The following EYS variants were observed in gnomAD, a reference collection of about 807,000 sequenced individuals.
EYS encodes EGF-like photoreceptor maintenance factor, also known as protein eyes shut homolog.
In EYS, 250 loss-of-function variants were observed where a neutral mutation model predicts 282.1. The ratio of observed to expected loss-of-function variants is 0.89; its 90% confidence interval spans 0.80 to 0.98. The LOEUF (loss-of-function observed/expected upper bound fraction) is 0.98. Ranked by LOEUF, EYS falls within the 50% of genes least tolerant of loss-of-function variation. The probability of loss-of-function intolerance (pLI) is 0.00; values close to 1 mark genes in which losing one functional copy is unlikely to be tolerated. For synonymous variants in EYS, 1,355 were observed against 1,282.9 expected (o/e 1.06, Z -1.20); for missense variants, 4,016 against 3,709.0 (o/e 1.08, Z -2.15).
At chr6:64,428,810 G>A (rs1256666780) in intron 28 of EYS, among the ~76,000 whole-genome samples, 2 of 152,058 alleles carry the variant, frequency 1.3e-5, no homozygotes, top group East Asian at 3.9e-4. Flanking sequence ...TATTTTTGCT[G>A]AAAGAATAAG....
intron 2 of EYS, among the ~76,000 whole-genome samples, chr6:65,553,612 CATT>C (rs1456433127): frequency 2.0e-5 from 3 of 152,018 alleles, no homozygotes; most frequent in Admixed American, 2.0e-4. Flanking sequence ...CCAGTTCCTT[CATT>C]AAGATTAACA....
At chr6:65,425,832 C>T (rs1310932608) in intron 5 of EYS, among the ~76,000 whole-genome samples, 2 of 152,052 alleles carry the variant, frequency 1.3e-5, no homozygotes, top group East Asian at 3.9e-4. Flanking sequence ...CACTTTATGG[C>T]TTTATGATGA....
chr6:64,794,419 A>G (rs557434547), intron 22 of EYS, among the ~76,000 whole-genome samples: 1 of 152,242 alleles, frequency 6.6e-6, no homozygotes, highest in African/African-American at 2.4e-5. Context: ...CTATCATGAT[A>G]GAGTTTTCAC....
chr6:64,681,963 A>T (rs1769914103), intron 22 of EYS, among the ~76,000 whole-genome samples: 1 of 152,120 alleles, frequency 6.6e-6, no homozygotes, highest in Non-Finnish European at 1.5e-5. Flanking sequence ...CTAGGGAGAG[A>T]AGCAAGAACA....
intron 24 of EYS, among the ~76,000 whole-genome samples, chr6:64,601,383 T>C (rs1410866647): frequency 6.6e-6 from 1 of 151,934 alleles, no homozygotes; most frequent in Non-Finnish European, 1.5e-5. Flanking sequence ...ATTCAGTCTC[T>C]CCATTCTAAC....
chr6:64,041,176 AC>A (rs1397190490), intron 33 of EYS, among the ~76,000 whole-genome samples: 3 of 152,048 alleles, frequency 2.0e-5, no homozygotes, highest in Non-Finnish European at 1.5e-5. Context: ...GCTGATTCTG[AC>A]AGAAAGGATC....
intron 12 of EYS, among the ~76,000 whole-genome samples, chr6:65,231,069 T>A (rs1287236118): frequency 6.9e-6 from 1 of 144,914 alleles, no homozygotes; most frequent in Non-Finnish European, 1.5e-5. Flanking sequence ...ATATGTACTT[T>A]TATATATATA....
chr6:65,152,908 A>G (rs1481050641), intron 12 of EYS, among the ~76,000 whole-genome samples: 1 of 151,516 alleles, frequency 6.6e-6, no homozygotes, highest in African/African-American at 2.4e-5. Context: ...TTAATTAACA[A>G]TATGACTTCA....
At chr6:65,455,190 T>C (rs1329746100) in intron 5 of EYS, among the ~76,000 whole-genome samples, 1 of 152,148 alleles carries the variant, frequency 6.6e-6, no homozygotes, top group Non-Finnish European at 1.5e-5. Flanking sequence ...AAAAATTTTA[T>C]ACTTTTCAGT....
intron 19 of EYS, among the ~76,000 whole-genome samples, chr6:64,839,985 T>C (rs1276517315): frequency 2.0e-5 from 3 of 152,078 alleles, no homozygotes; most frequent in Non-Finnish European, 4.4e-5. Flanking sequence ...CTATAGCATA[T>C]GCATATGGAC....
At chr6:64,574,877 G>A (rs112479022) in intron 26 of EYS, among the ~76,000 whole-genome samples, 81 of 152,164 alleles carry the variant, frequency 5.3e-4, no homozygotes, top group African/African-American at 1.6e-3. Context: ...AATATTAAAT[G>A]ATCTAAAAGA....
chr6:63,942,136 G>A (rs1765262939), intron 35 of EYS, among the ~76,000 whole-genome samples: 1 of 152,134 alleles, frequency 6.6e-6, no homozygotes, highest in African/African-American at 2.4e-5. Flanking sequence ...ATTACACACA[G>A]CACTCTATAG....
chr6:63,830,824 A>G (rs1323344009), intron 36 of EYS, among the ~76,000 whole-genome samples: 19 of 152,222 alleles, frequency 1.2e-4, no homozygotes, highest in Admixed American at 1.2e-3. Flanking sequence ...GAGAAAGGTC[A>G]GGTTACCCAC....
chr6:64,633,103 A>G (rs1439314571), intron 22 of EYS, among the ~76,000 whole-genome samples: 4 of 152,146 alleles, frequency 2.6e-5, no homozygotes, highest in Non-Finnish European at 5.9e-5. Context: ...TTTTATCCTG[A>G]GTAATTCTAT....
At chr6:64,120,224 C>T (rs1039462938) in intron 31 of EYS, among the ~76,000 whole-genome samples, 26 of 151,040 alleles carry the variant, frequency 1.7e-4, no homozygotes, top group African/African-American at 2.4e-4. Flanking sequence ...GGCATGGTGG[C>T]GGGCCCCTGT....
At chr6:65,367,516 T>C (rs1170909401) in intron 8 of EYS, among the ~76,000 whole-genome samples, 1 of 151,736 alleles carries the variant, frequency 6.6e-6, no homozygotes, top group Non-Finnish European at 1.5e-5. Context: ...ATATGTTTCC[T>C]TTAAATATAA....
intron 26 of EYS, among the ~76,000 whole-genome samples, chr6:64,442,602 G>A (rs530567828): frequency 6.6e-6 from 1 of 152,284 alleles, no homozygotes; most frequent in East Asian, 1.9e-4. Context: ...TGTGGGCCAG[G>A]CTAAGGGTAT....
At chr6:64,913,731 T>C (rs1768076921) in intron 15 of EYS, among the ~76,000 whole-genome samples, 2 of 152,170 alleles carry the variant, frequency 1.3e-5, no homozygotes, top group South Asian at 4.1e-4. Flanking sequence ...AGTGAAGTTG[T>C]CTTTTTGGTA....
At chr6:65,373,006 TC>T (rs1765221443) in intron 8 of EYS, among the ~76,000 whole-genome samples, 1 of 152,180 alleles carries the variant, frequency 6.6e-6, no homozygotes, top group African/African-American at 2.4e-5. Flanking sequence ...TTAATTTTAG[TC>T]TAATCCCATT....
Sources: gnomAD v4.1 joint callset for allele counts (sites outside exome capture counted in the v4.1 genomes callset) on GRCh38, gnomAD v4.1.1 for gene constraint, MANE v1.5 for transcripts, NCBI Gene and HGNC (gene_info 2026-07-23, HGNC 2026-07-21) for gene names.